NYAP2: variants seen among roughly 807,000 people sequenced by gnomAD.
NYAP2 encodes neuronal tyrosine-phosphorylated phosphoinositide-3-kinase adaptor 2.
Under a neutral mutation model 50.4 loss-of-function variants are expected in NYAP2, and 23 were observed. The ratio of observed to expected loss-of-function variants is 0.46; its 90% CI spans 0.33 to 0.65. The LOEUF (loss-of-function observed/expected upper bound fraction) is 0.65, where lower values mean the gene tolerates loss of function less well. Ranked by LOEUF, NYAP2 falls within the 30% of genes least tolerant of loss-of-function variation. The pLI is 0.02. For missense variants in NYAP2, 885 were observed against 861.0 expected (o/e 1.03, Z -0.35); for synonymous variants, 394 against 365.2 (o/e 1.08, Z -0.90).
chr2:225,464,483 G>A (rs929247910), intron 3 of NYAP2, among the ~76,000 whole-genome samples: 5 of 152,156 alleles, frequency 3.3e-5, no homozygotes, highest in Non-Finnish European at 7.4e-5. Flanking sequence ...CAGGAAGGGA[G>A]CATGAACGAT....
At chr2:225,526,420 G>A (rs1188101610) in intron 4 of NYAP2, among the ~76,000 whole-genome samples, 2 of 152,198 alleles carry the variant, frequency 1.3e-5, no homozygotes, top group East Asian at 3.8e-4. Context: ...GACAACAGCA[G>A]TGACTTCCCA....
chr2:225,473,926 G>T (rs1690056740), intron 3 of NYAP2, among the ~76,000 whole-genome samples: 1 of 152,054 alleles, frequency 6.6e-6, no homozygotes, highest in Non-Finnish European at 1.5e-5. Context: ...TTTCTTCTAG[G>T]GTTTTTATGG....
the NYAP2 span, among the ~76,000 whole-genome samples, chr2:225,666,963 T>C: frequency 6.6e-6 from 1 of 151,754 alleles, no homozygotes. Flanking sequence ...TGTCATGTAA[T>C]GTTATGCCAG....
intron 2 of NYAP2, among the ~76,000 whole-genome samples, chr2:225,408,068 T>G (rs973546053): frequency 6.6e-6 from 1 of 151,986 alleles, no homozygotes; most frequent in African/African-American, 2.4e-5. Flanking sequence ...GAGTAATATA[T>G]ACTAGTTGAA....
the NYAP2 span, among the ~76,000 whole-genome samples, chr2:225,670,039 A>G: frequency 1.3e-5 from 2 of 152,190 alleles, no homozygotes; most frequent in South Asian, 4.1e-4. Context: ...CTGGCCCACT[A>G]AAACACTTTC....
chr2:225,405,846 A>T (rs1225333454), intron 2 of NYAP2, among the ~76,000 whole-genome samples: 1 of 151,960 alleles, frequency 6.6e-6, no homozygotes, highest in East Asian at 1.9e-4. Flanking sequence ...AGAATGTATC[A>T]ACTCCTAACC....
chr2:225,426,607 C>G (rs2106130630), intron 3 of NYAP2, among the ~76,000 whole-genome samples: 1 of 152,284 alleles, frequency 6.6e-6, no homozygotes, highest in Admixed American at 6.5e-5. Flanking sequence ...TCAACCCTTA[C>G]CCTGAGAAAA....
At chr2:225,508,618 AG>A (rs1690753280) in intron 3 of NYAP2, among the ~76,000 whole-genome samples, 1 of 152,152 alleles carries the variant, frequency 6.6e-6, no homozygotes, top group African/African-American at 2.4e-5. Context: ...GTAGAAGGAG[AG>A]GGGGAGGAAA....
chr2:225,551,758 G>T (rs1691681465), intron 4 of NYAP2, among the ~76,000 whole-genome samples: 1 of 152,168 alleles, frequency 6.6e-6, no homozygotes, highest in Admixed American at 6.5e-5. Context: ...TTATTTGAAA[G>T]GTTGAGGCAT....
At chr2:225,485,451 C>A (rs1330160796) in intron 3 of NYAP2, among the ~76,000 whole-genome samples, 1 of 152,136 alleles carries the variant, frequency 6.6e-6, no homozygotes, top group East Asian at 1.9e-4. Context: ...TCATCTTCAC[C>A]CAGCAGCATT....
At chr2:225,532,328 C>T (rs1049582360) in intron 4 of NYAP2, among the ~76,000 whole-genome samples, 1 of 152,174 alleles carries the variant, frequency 6.6e-6, no homozygotes, top group African/African-American at 2.4e-5. Context: ...GAAGCATAGA[C>T]TTATTGCATA....
intron 5 of NYAP2, among the ~76,000 whole-genome samples, chr2:225,598,142 C>T (rs1202200334): frequency 6.6e-6 from 1 of 152,084 alleles, no homozygotes. Context: ...ACGATGCAGT[C>T]CAGTACCCTT....
chr2:225,469,555 G>A (rs1689979234), intron 3 of NYAP2, among the ~76,000 whole-genome samples: 1 of 152,112 alleles, frequency 6.6e-6, no homozygotes, highest in Non-Finnish European at 1.5e-5. Context: ...TGCATACTAT[G>A]TTTATTGTGG....
intron 3 of NYAP2, among the ~76,000 whole-genome samples, chr2:225,452,774 C>T (rs1002252798): frequency 3.9e-5 from 6 of 152,116 alleles, no homozygotes; most frequent in South Asian, 2.1e-4. Context: ...GTCATGCACG[C>T]GTACACCCCA....
chr2:225,443,335 A>G (rs1301739206), intron 3 of NYAP2, among the ~76,000 whole-genome samples: 1 of 152,230 alleles, frequency 6.6e-6, no homozygotes, highest in Non-Finnish European at 1.5e-5. Context: ...CAGAATGACA[A>G]CACCTACTAA....
intron 4 of NYAP2, among the ~76,000 whole-genome samples, chr2:225,556,715 C>T (rs1302007043): frequency 1.3e-5 from 2 of 150,270 alleles, no homozygotes; most frequent in Non-Finnish European, 3.0e-5. Context: ...TTCCTAGGAA[C>T]AGCTCTACAC....
intron 3 of NYAP2, among the ~76,000 whole-genome samples, chr2:225,436,700 A>G (rs936952809): frequency 1.3e-5 from 2 of 149,200 alleles, no homozygotes; most frequent in South Asian, 2.1e-4. Flanking sequence ...CCCAAACCCA[A>G]CTCTCTAACC....
At chr2:225,436,817 C>T (rs1689387074) in intron 3 of NYAP2, among the ~76,000 whole-genome samples, 1 of 150,250 alleles carries the variant, frequency 6.7e-6, no homozygotes, top group Non-Finnish European at 1.5e-5. Context: ...ATTCTGCTTT[C>T]TTTGTCCCCA....
At chr2:225,485,909 A>G (rs903174207) in intron 3 of NYAP2, among the ~76,000 whole-genome samples, 1 of 152,208 alleles carries the variant, frequency 6.6e-6, no homozygotes, top group Non-Finnish European at 1.5e-5. Context: ...GGCAGCATCC[A>G]TGGCCTCTAA....
Sources: gnomAD v4.1 joint callset for allele counts (sites outside exome capture counted in the v4.1 genomes callset) on GRCh38, gnomAD v4.1.1 for gene constraint, MANE v1.5 for transcripts, NCBI Gene and HGNC (gene_info 2026-07-23, HGNC 2026-07-21) for gene names.